SMC3: variants seen among roughly 807,000 people sequenced by gnomAD.
The protein encoded by SMC3 is structural maintenance of chromosomes protein 3.
Under a neutral mutation model 171.8 loss-of-function variants are expected in SMC3, and 20 were observed. The observed-to-expected ratio is 0.12, with a 90% CI of 0.08 to 0.17. The LOEUF is 0.17. Among genes scored for constraint, SMC3 ranks in the 10% least tolerant of loss-of-function variants. SMC3 has a pLI of 1.00. For missense variants in SMC3, 543 were observed against 1,420.4 expected (o/e 0.38, Z 9.93); for synonymous variants, 464 against 451.1 (o/e 1.03, Z -0.36).
rs188327188 is a variant in SMC3, at chr10:110,592,631, T to C, written c.1813-442T>C. Among the ~76,000 whole-genome samples the C allele has an allele frequency of 4.7e-4, 72 of 152,248 alleles. 1 individual carries two copies. The highest frequency in any genetic ancestry group is 1.7e-3 in the African/African-American group (71 of 41,470). ...ACATTTTGAGGAAGTACTATTTATA[T>C]TTAGCCCTTTTATGTGAGAGATACT... On this transcript the variant is annotated intron_variant, in intron 17 of 28. Coordinates refer to ENST00000361804, the MANE Select transcript of SMC3 (RefSeq NM_005445.4).
At chr10:110,568,066 G>A (rs1309498881) in intron 1 of SMC3, among the ~76,000 whole-genome samples, 3 of 152,212 alleles carry the variant, frequency 2.0e-5, no homozygotes, top group African/African-American at 4.8e-5. Context: ...GCTTGTCTGG[G>A]AGAGGCAGGA....
chr10:110,580,387 T>C (rs941135747), intron 7 of SMC3, among the ~76,000 whole-genome samples: 3 of 152,212 alleles, frequency 2.0e-5, no homozygotes, highest in African/African-American at 7.2e-5. Context: ...TTATACCTTA[T>C]CATATTGACT....
chr10:110,598,791 A>G (rs967943805), intron 20 of SMC3, among the ~76,000 whole-genome samples: 4 of 152,196 alleles, frequency 2.6e-5, no homozygotes, highest in African/African-American at 9.7e-5. Flanking sequence ...GGCACGTTCA[A>G]ACTTTCCACC....
Position 110,582,073 on chromosome 10 carries a change from A to G in SMC3, c.698A>G (p.Asn233Ser), listed in dbSNP as rs781478694. 1.2e-6 allele frequency: 2 copies of G among 1,613,848 alleles called. No individual in the cohort carries two copies. The highest frequency in any genetic ancestry group is 1.7e-6 in the Non-Finnish European group (2 of 1,179,846). ...LEYTIYNQEL[N>S]ETRAKLDELS... The stretch of plus-strand genomic sequence containing the variant: ...TATACCATTTACAATCAGGAACTTA[A>G]CGAGACTCGTGCCAAACTTGATGAG... The change falls in exon 9 of 29, where the codon AAC (asparagine) becomes AGC (serine). Residue 233 changes from asparagine (N) to serine (S), a missense_variant. Around this residue, in one of 8 missense-constraint regions of SMC3, gnomAD observed 146 missense variants for 437.9 expected, o/e 0.33. Coordinates refer to ENST00000361804, the MANE Select transcript of SMC3 (RefSeq NM_005445.4).
At chr10:110,570,566 T>C (rs1270529155) in intron 2 of SMC3, among the ~76,000 whole-genome samples, 1 of 152,236 alleles carries the variant, frequency 6.6e-6, no homozygotes, top group Non-Finnish European at 1.5e-5. Flanking sequence ...AGAAAATCTT[T>C]AGAAATGTAG....
At chr10:110,582,813 G>A (rs1025051288) in intron 10 of SMC3, among the ~76,000 whole-genome samples, 171 bp downstream of exon 10, 1 of 152,012 alleles carries the variant, frequency 6.6e-6, no homozygotes, top group Non-Finnish European at 1.5e-5. Context: ...GAGCACAGGT[G>A]TGTACCACCA....
chr10:110,577,613 T>TA, intron 5 of SMC3, 121 bp downstream of exon 5: 2 of 760,542 alleles, frequency 2.6e-6, no homozygotes, highest in Non-Finnish European at 4.4e-6. Context: ...ATACTGATTT[T>TA]ATCTTAAAAT....
In SMC3 at chr10:110,567,755, C is replaced by T. The variant is rs183537656; in HGVS notation, c.-62C>T. 2.4e-5 allele frequency: 38 copies of T among 1,606,612 alleles called. No individual in the cohort carries two copies. The African/African-American group carries it at 2.7e-4, about 11-fold the overall frequency. On this transcript the variant is annotated 5_prime_UTR_variant, in exon 1 of 29. Coordinates refer to ENST00000361804, the MANE Select transcript of SMC3 (RefSeq NM_005445.4). The stretch of plus-strand genomic sequence containing the variant: ...GGGGTCGCGTAGGCGCCTCACCTGA[C>T]CCTGCGGCCGTGCGGTTGCTGCTCC...
rs1861064479 is a variant in SMC3, at chr10:110,583,635, T to C, written c.969+87T>C. On this transcript the variant is annotated intron_variant, in intron 11 of 28. Transcript: ENST00000361804. ...CAGCCCTTTCTGTGACTGGTGTGTG[T>C]TGGAATTTTTTTTTAAGCTTTGCTA... 6 of 1,443,226 alleles carry C rather than the reference T, an allele frequency of 4.2e-6. No individual in the cohort carries two copies. The Admixed American group carries it at 9.0e-5, about 22-fold the overall frequency. 89.4% of individuals were successfully genotyped at this position (1,443,226 alleles called of 1,614,324 possible).
chr10:110,590,892 A>G, intron 16 of SMC3, 99 bp from the exon 17 acceptor site: 1 of 1,082,262 alleles, frequency 9.2e-7, no homozygotes, highest in Non-Finnish European at 1.4e-6. Flanking sequence ...CTTTAGTCCC[A>G]GCTATGCAGG....
chr10:110,576,785 A>C (rs1172946605), intron 4 of SMC3, among the ~76,000 whole-genome samples: 1 of 152,208 alleles, frequency 6.6e-6, no homozygotes, highest in Non-Finnish European at 1.5e-5. Flanking sequence ...TATTTACTAC[A>C]TAGTTTCTAT....
At chr10:110,590,621 A>G (rs1475417686) in intron 16 of SMC3, 49 bp downstream of exon 16, 10 of 1,530,940 alleles carry the variant, frequency 6.5e-6, no homozygotes, top group Non-Finnish European at 9.0e-6. Flanking sequence ...GGGAATAAGA[A>G]TAGCTTAAAC....
chr10:110,593,269 A>G (rs754824784), intron 18 of SMC3, 46 bp downstream of exon 18: 27 of 1,586,550 alleles, frequency 1.7e-5, no homozygotes, highest in Non-Finnish European at 2.2e-5. Context: ...ATTCTAACAA[A>G]TCATTTAAAA....
rs1013534418 is a variant in SMC3 at position 110,593,352 on chromosome 10, A to G, written c.1963+129A>G. The G allele has an allele frequency of 6.7e-6, 6 of 890,892 alleles. No individual in the cohort carries two copies. The Admixed American group carries it at 1.3e-4, about 19-fold the overall frequency. The allele number at this position is 890,892 out of a possible 1,614,324, so 55.2% of individuals were successfully genotyped here. A position where few individuals can be genotyped will look rare whatever the true frequency, so the allele number is the denominator to read the frequency against. ...TTTGGGAGGCTGAGGCGGGTGGATC[A>G]CCTGAAGTCAGGAGTTCAAGACCAG... On this transcript the variant is annotated intron_variant, in intron 18 of 28. Transcript: ENST00000361804.
chr10:110,604,310 A>C lies in SMC3; in HGVS notation c.*8A>C, dbSNP rs1564796654. The C allele has an allele frequency of 1.9e-6, 3 of 1,592,914 alleles. No homozygotes were observed. The highest frequency in any genetic ancestry group is 2.6e-6 in the Non-Finnish European group (3 of 1,162,788). ...GATACCACACATGGTTAATTGGAAA[A>C]TACTACCTACTGGTTTGGGAGATGT... is the stretch of plus-strand genomic sequence containing the variant. On this transcript the variant is annotated 3_prime_UTR_variant, in exon 29 of 29. Coordinates refer to ENST00000361804, the MANE Select transcript of SMC3 (RefSeq NM_005445.4).
intron 1 of SMC3, 64 bp from the exon 2 acceptor site, chr10:110,568,874 T>C: frequency 1.1e-6 from 1 of 929,726 alleles, no homozygotes; most frequent in East Asian, 2.4e-5. Context: ...AAGAAAGAAA[T>C]GCAAGAGAAA....
intron 18 of SMC3, among the ~76,000 whole-genome samples, chr10:110,593,799 C>T (rs1412073660): frequency 2.0e-5 from 3 of 151,588 alleles, no homozygotes; most frequent in African/African-American, 7.3e-5. Context: ...CTAGCCTAGC[C>T]AACATGGTGA....
chr10:110,599,317 G>C (rs549338669), intron 20 of SMC3, among the ~76,000 whole-genome samples: 1 of 152,026 alleles, frequency 6.6e-6, no homozygotes, highest in Admixed American at 6.5e-5. Context: ...GGCTCGTCTC[G>C]AACTCCTGAC....
chr10:110,576,655 T>G (rs1034182897), intron 4 of SMC3, among the ~76,000 whole-genome samples: 6 of 152,214 alleles, frequency 3.9e-5, no homozygotes, highest in Non-Finnish European at 1.5e-5. Context: ...TCTTTTCCCC[T>G]TGTTTAGTTT....
Sources: gnomAD v4.1 joint callset for allele counts (sites outside exome capture counted in the v4.1 genomes callset) on GRCh38, gnomAD v4.1.1 for gene constraint, gnomAD v4.1.1 regional missense constraint, MANE v1.5 for transcripts, NCBI Gene and HGNC (gene_info 2026-07-23, HGNC 2026-07-21) for gene names.